Variants in ZDHHC23 observed in about 807,000 individuals in gnomAD.
ZDHHC23 encodes the protein palmitoyltransferase ZDHHC23.
In ZDHHC23, 41 loss-of-function variants were observed where a neutral mutation model predicts 40.2. That is an observed-to-expected ratio of 1.02 (90% CI 0.79 to 1.32). The LOEUF (loss-of-function observed/expected upper bound fraction) is 1.32. Among genes scored for constraint, ZDHHC23 ranks in the 40% most tolerant of loss-of-function variants. ZDHHC23 has a pLI of 0.00. For missense variants in ZDHHC23, 471 were observed against 541.5 expected (o/e 0.87, Z 1.29); for synonymous variants, 204 against 210.2 (o/e 0.97, Z 0.26).
downstream of ZDHHC23, chr3:113,965,080 T>A (rs1049138249): frequency 1.3e-6 from 1 of 785,612 alleles, no homozygotes; most frequent in African/African-American, 1.8e-5. Context: ...TATGTATGTA[T>A]GTGTGTGGGT....
Position 113,960,833 on chromosome 3 carries a change from A to G in ZDHHC23, c.*2203A>G. 2 of 1,483,370 alleles carry G rather than the reference A, an allele frequency of 1.3e-6. No individual in the cohort carries two copies. The highest frequency in any genetic ancestry group is 8.9e-7 in the Non-Finnish European group (1 of 1,119,756). 91.9% of individuals were successfully genotyped at this position (1,483,370 alleles called of 1,614,324 possible). ...GTTTTAAGTTCCTTGAGAACCCATG[A>G]TGGACAGTTGACAGAATGCTTAAAC... On this transcript the variant is annotated 3_prime_UTR_variant, in exon 5 of 5. Coordinates refer to ENST00000638807, the MANE Select transcript of ZDHHC23 (RefSeq NM_001320466.2).
chr3:113,979,341 C>G, the ZDHHC23 span, among the ~76,000 whole-genome samples: 1 of 152,212 alleles, frequency 6.6e-6, no homozygotes, highest in Non-Finnish European at 1.5e-5. Context: ...AATTTGCTCT[C>G]CTGGAGCTTG....
chr3:113,957,473 G>A (rs7650388), intron 4 of ZDHHC23: 4,430 of 356,492 alleles, frequency 0.012, 189 homozygotes, highest in African/African-American at 0.088. Context: ...GAAATTCTCT[G>A]CTAACGCTGC....
downstream of ZDHHC23, among the ~76,000 whole-genome samples, chr3:113,968,626 G>GTTTT (rs373015779): frequency 6.9e-4 from 94 of 137,022 alleles, 1 homozygote; most frequent in East Asian, 0.013. Flanking sequence ...ATAGTTTTTT[G>GTTTT]TTTTTTTTTT....
intron 3 of ZDHHC23, 151 bp from the exon 4 acceptor site, chr3:113,956,188 A>C: frequency 1.3e-6 from 1 of 744,892 alleles, no homozygotes; most frequent in South Asian, 1.9e-5. Context: ...CAGAGGTTGC[A>C]GTGAGCCAAG....
Position 113,960,831 on chromosome 3 carries a change from T to C in ZDHHC23, c.*2201T>C. 2.0e-6 allele frequency: 3 copies of C among 1,484,692 alleles called. No homozygotes were observed. The highest frequency in any genetic ancestry group is 2.7e-6 in the Non-Finnish European group (3 of 1,120,646). 92.0% of individuals were successfully genotyped at this position (1,484,692 alleles called of 1,614,324 possible). A position where few individuals can be genotyped will look rare whatever the true frequency, so the allele number is the denominator to read the frequency against. ...TTGTTTTAAGTTCCTTGAGAACCCATGATGGACAGTTGACAGAATGCTTAA... is the reference window on the plus strand; with the variant it reads ...TTGTTTTAAGTTCCTTGAGAACCCACGATGGACAGTTGACAGAATGCTTAA... On this transcript the variant is annotated 3_prime_UTR_variant, in exon 5 of 5. Coordinates refer to ENST00000638807, the MANE Select transcript of ZDHHC23 (RefSeq NM_001320466.2).
Position 113,958,422 on chromosome 3 carries a change from A to T in ZDHHC23, c.1100A>T (p.Tyr367Phe), listed in dbSNP as rs201631949. The T allele has an allele frequency of 6.2e-7, 1 of 1,614,156 alleles. No individual in the cohort carries two copies. The highest frequency in any genetic ancestry group is 8.5e-7 in the Non-Finnish European group (1 of 1,180,034). Residue 367 changes from tyrosine (Y) to phenylalanine (F), a missense_variant, in exon 5 of 5, where the codon TAC becomes TTC. Tyr to Phe is a conservative substitution (Grantham distance 22). This residue lies in a region of ZDHHC23 where 346 missense variants were observed against 399.8 expected (regional missense o/e 0.87). Transcript: ENST00000638807. ...GTGATCATCACAGCAGGCATGGCCT[A>T]CATCTTCCTGATCCAGCTGATCAAC... ...YSVIITAGMA[Y>F]IFLIQLINIS...
At chr3:113,966,494 C>T (rs1940182254), downstream of ZDHHC23, among the ~76,000 whole-genome samples, 2 of 152,126 alleles carry the variant, frequency 1.3e-5, no homozygotes, top group Admixed American at 1.3e-4. Context: ...GAGGAGCAGA[C>T]CTTTTTGAAG....
At chr3:113,975,851 T>A in the ZDHHC23 span, among the ~76,000 whole-genome samples, 2,996 of 152,320 alleles carry the variant, frequency 0.02, 69 homozygotes, top group East Asian at 0.1. Context: ...ACAGCAATGC[T>A]TTTATATCAA....
In ZDHHC23 at chr3:113,958,259, A is replaced by T. The variant is rs139047036; in HGVS notation, c.1041-104A>T. 1.1e-5 allele frequency: 12 copies of T among 1,074,396 alleles called. No individual in the cohort carries two copies. The African/African-American group carries it at 1.4e-4, about 13-fold the overall frequency. The allele number at this position is 1,074,396 out of a possible 1,614,324, so 66.6% of individuals were successfully genotyped here. A position where few individuals can be genotyped will look rare whatever the true frequency, so the allele number is the denominator to read the frequency against. ...GTTCGGAGGGTTGGGGAAGATGCCA[A>T]AGTCTTTAGTAATAAGTAAAAAAAT... On this transcript the variant is annotated intron_variant, in intron 4 of 4. Transcript: ENST00000638807.
chr3:113,970,906 T>C, the ZDHHC23 span, among the ~76,000 whole-genome samples: 12 of 152,234 alleles, frequency 7.9e-5, no homozygotes, highest in African/African-American at 2.9e-4. Context: ...CTCATCATTT[T>C]TTATGGCTGC....
the ZDHHC23 span, among the ~76,000 whole-genome samples, chr3:113,971,095 T>C: frequency 6.6e-6 from 1 of 152,176 alleles, no homozygotes; most frequent in African/African-American, 2.4e-5. Context: ...ACGGGATGGG[T>C]GGGTCAAATG....
Position 113,958,698 on chromosome 3 carries a change from C to T in ZDHHC23, c.*68C>T, listed in dbSNP as rs760525520. ...TCCGTCTCCCTTCCATTTTACACTT[C>T]AGTGTCCATTTCTATCCCCAGTTTC... On this transcript the variant is annotated 3_prime_UTR_variant, in exon 5 of 5. Coordinates refer to ENST00000638807, the MANE Select transcript of ZDHHC23 (RefSeq NM_001320466.2). 1 of 1,593,698 alleles carries T rather than the reference C, an allele frequency of 6.3e-7. No homozygotes were observed. The highest frequency in any genetic ancestry group is 8.5e-7 in the Non-Finnish European group (1 of 1,177,556).
chr3:113,967,264 T>C (rs752329784), downstream of ZDHHC23, among the ~76,000 whole-genome samples: 4 of 152,156 alleles, frequency 2.6e-5, no homozygotes, highest in Non-Finnish European at 5.9e-5. Flanking sequence ...ACATCTCTCT[T>C]TTGGCTACAC....
chr3:113,969,940 G>T (rs568409678), downstream of ZDHHC23, among the ~76,000 whole-genome samples: 40 of 152,258 alleles, frequency 2.6e-4, no homozygotes, highest in African/African-American at 9.6e-4. Flanking sequence ...GCTTTGGGTA[G>T]TATTGCCATT....
chr3:113,967,059 A>G (rs1940251980), downstream of ZDHHC23, among the ~76,000 whole-genome samples: 1 of 152,196 alleles, frequency 6.6e-6, no homozygotes, highest in Admixed American at 6.5e-5. Flanking sequence ...AGATCAAGCC[A>G]TGGCATTCCA....
chr3:113,951,087 T>C (rs1938610996), intron 2 of ZDHHC23, among the ~76,000 whole-genome samples: 1 of 152,150 alleles, frequency 6.6e-6, no homozygotes, highest in Non-Finnish European at 1.5e-5. Flanking sequence ...ACACTGCAGC[T>C]CTCATGGGTT....
Position 113,959,485 on chromosome 3 carries a change from C to T in ZDHHC23, c.*855C>T. Reference sequence around the variant, plus strand: ...GTTTCTTATAAATAACTCCAACAGGCATTCATGTGTTTTTCCTCTTCCCAT... The same window carrying T: ...GTTTCTTATAAATAACTCCAACAGGTATTCATGTGTTTTTCCTCTTCCCAT... On this transcript the variant is annotated 3_prime_UTR_variant, in exon 5 of 5. Transcript: ENST00000638807. 1 of 1,273,902 alleles carries T rather than the reference C, an allele frequency of 7.8e-7. No homozygotes were observed. Among genetic ancestry groups the T allele is most frequent in the Non-Finnish European group, 1.0e-6 (1 of 976,410 alleles). The allele number at this position is 1,273,902 out of a possible 1,614,324, so 78.9% of individuals were successfully genotyped here. A position where few individuals can be genotyped will look rare whatever the true frequency, so the allele number is the denominator to read the frequency against.
chr3:113,965,239 G>T, downstream of ZDHHC23: 1 of 1,612,222 alleles, frequency 6.2e-7, no homozygotes, highest in Non-Finnish European at 8.5e-7. Context: ...GTACCTGGAA[G>T]TCTGGAAGAA....
Sources: allele counts gnomAD v4.1 joint callset (sites outside exome capture counted in the v4.1 genomes callset), GRCh38; gene constraint gnomAD v4.1.1; regional missense constraint gnomAD v4.1.1; transcripts MANE v1.5; gene names NCBI Gene and HGNC (gene_info 2026-07-23, HGNC 2026-07-21).